LRRD1: variants seen among roughly 807,000 people sequenced by gnomAD.
LRRD1 encodes leucine rich repeats and death domain containing 1.
In LRRD1, 49 loss-of-function variants were observed where a neutral mutation model predicts 69.5. The observed-to-expected ratio is 0.70, with a 90% CI of 0.56 to 0.89. LRRD1 has a LOEUF of 0.89. Among genes scored for constraint, LRRD1 ranks in the 40% least tolerant of loss-of-function variants. The probability of loss-of-function intolerance (pLI) is 0.00; values close to 1 mark genes in which losing one functional copy is unlikely to be tolerated. For synonymous variants in LRRD1, 303 were observed against 338.9 expected, an observed-to-expected ratio of 0.89 and a Z score of 1.16; for missense variants, 853 against 956.0, an observed-to-expected ratio of 0.89 and a Z score of 1.42.
chr7:92,165,136 T>C lies in LRRD1; in HGVS notation c.67A>G (p.Arg23Gly). Residue 23 changes from arginine to glycine, a missense_variant, in exon 2 of 6, where the codon AGA becomes GGA. This residue lies in a region of LRRD1 where 99 missense variants were observed against 107.0 expected (regional missense o/e 0.92). Coordinates refer to ENST00000458448, the MANE Select transcript of LRRD1 (RefSeq NM_001161528.2). ...CCAGGCTCCTTCATTGACTGTGATC[T>C]AGATTCTTTCCTAAATTGACTAATA... ...DTISQFRKESRSQSMKEPGFI... is the reference protein window; with the variant it reads ...DTISQFRKESGSQSMKEPGFI... The C allele has an allele frequency of 6.5e-7, 1 of 1,550,356 alleles. No homozygotes were observed. The highest frequency in any genetic ancestry group is 8.7e-7 in the Non-Finnish European group (1 of 1,146,634).
In LRRD1 at chr7:92,164,778, T is replaced by C. The variant is rs1466230895; in HGVS notation, c.425A>G (p.Asp142Gly). 2 of 1,551,570 alleles carry C rather than the reference T, an allele frequency of 1.3e-6. No homozygotes were observed. The highest frequency in any genetic ancestry group is 1.7e-6 in the Non-Finnish European group (2 of 1,146,916). ...GGCCTCAAGGTTAACTGTAAAGTTA[T>C]CTGCCCCTAGGCCAAGTTGTTTCTG... ...ENQKQLGLGA[D>G]NFTVNLEAKG... The change falls in exon 2 of 6, where the codon GAT becomes GGT. Residue 142 changes from aspartate (D) to glycine (G), a missense_variant. Physicochemically the swap from Asp to Gly is moderately conservative, Grantham distance 94. This residue lies in a region of LRRD1 where 739 missense variants were observed against 808.0 expected (regional missense o/e 0.91). Transcript: ENST00000458448.
chr7:92,144,628 CAAAAA>C (rs61338977), downstream of LRRD1, among the ~76,000 whole-genome samples: 2 of 85,856 alleles, frequency 2.3e-5, no homozygotes, highest in Non-Finnish European at 4.7e-5. Context: ...AACTCCATCT[CAAAAA>C]AAAAAAAAAA....
In LRRD1 at chr7:92,150,573, T is replaced by C. The variant is rs532955252; in HGVS notation, c.2239A>G (p.Thr747Ala). Reference sequence around the variant, plus strand: ...GCCCTCTGTAGATAGCGTGCAATAGTATACAACTGTTTTCCTTTACAGATT... The same window carrying C: ...GCCCTCTGTAGATAGCGTGCAATAGCATACAACTGTTTTCCTTTACAGATT... ...VEICKGKQLY[T>A]IARYLQRADE... The change falls in exon 4 of 6, where the codon ACT becomes GCT. Residue 747 changes from threonine (T) to alanine (A), a missense_variant. Around this residue, in one of 3 missense-constraint regions of LRRD1, gnomAD observed 739 missense variants for 808.0 expected, o/e 0.91. Transcript: ENST00000458448. 7.7e-6 allele frequency: 12 copies of C among 1,551,600 alleles called. No individual in the cohort carries two copies. The East Asian group carries it at 2.2e-4, about 28-fold the overall frequency.
chr7:92,162,737 T>G lies in LRRD1; in HGVS notation c.1917+549A>C, dbSNP rs184203062. 1.6e-3 allele frequency among the ~76,000 whole-genome samples: 239 copies of G among 152,274 alleles called. 3 individuals carry two copies. The highest frequency in any genetic ancestry group is 0.014 in the Admixed American group (220 of 15,280). ...ACAAGAGGTTTAGATCTATAAATCA[T>G]GTACTGGTTATAACAATTTATTGGG... is the stretch of plus-strand genomic sequence containing the variant. On this transcript the variant is annotated intron_variant, in intron 2 of 5. Coordinates refer to ENST00000458448, the MANE Select transcript of LRRD1 (RefSeq NM_001161528.2).
At chr7:92,154,561 CTT>C (rs557140720) in intron 3 of LRRD1, among the ~76,000 whole-genome samples, 3 of 143,948 alleles carry the variant, frequency 2.1e-5, no homozygotes, top group African/African-American at 2.5e-5. Context: ...TATTTTTTCA[CTT>C]TTTTTTTTTT....
chr7:92,151,214 A>G (rs528893534), intron 3 of LRRD1, among the ~76,000 whole-genome samples: 46 of 152,246 alleles, frequency 3.0e-4, no homozygotes, highest in South Asian at 8.3e-4. Flanking sequence ...ATCTCATTGC[A>G]TACTTTTATG....
At chr7:92,142,394 G>A (rs139500916), downstream of LRRD1, 2,388 of 450,202 alleles carry the variant, frequency 5.3e-3, 14 homozygotes, top group Non-Finnish European at 8.1e-3. Context: ...CTCTCTCTTG[G>A]CATCCAGCTC....
At chr7:92,147,347 C>T (rs933466693) in intron 4 of LRRD1, among the ~76,000 whole-genome samples, 4 of 152,154 alleles carry the variant, frequency 2.6e-5, no homozygotes, top group African/African-American at 7.2e-5. Context: ...GGATTAAAGG[C>T]ATGAGTCACC....
At chr7:92,167,304 C>T (rs1008436641) in intron 1 of LRRD1, among the ~76,000 whole-genome samples, 6 of 151,790 alleles carry the variant, frequency 4.0e-5, no homozygotes, top group Non-Finnish European at 7.4e-5. Context: ...CCATGTTGGC[C>T]AGGATGGTCT....
Position 92,163,708 on chromosome 7 carries a change from T to C in LRRD1, c.1495A>G (p.Ile499Val). 2 of 1,501,906 alleles carry C rather than the reference T, an allele frequency of 1.3e-6. No homozygotes were observed. The highest frequency in any genetic ancestry group is 1.8e-6 in the Non-Finnish European group (2 of 1,128,504). The allele number at this position is 1,501,906 out of a possible 1,614,324, so 93.0% of individuals were successfully genotyped here. A position where few individuals can be genotyped will look rare whatever the true frequency, so the allele number is the denominator to read the frequency against. The change falls in exon 2 of 6, where the codon ATT becomes GTT. Residue 499 changes from isoleucine (I) to valine (V), a missense_variant. By Grantham distance (29) the Ile-to-Val change is conservative. Coordinates refer to ENST00000458448, the MANE Select transcript of LRRD1 (RefSeq NM_001161528.2). ...GATATATCCACAGGTATTTCTGAAATATAATTTCCATTAACACTCAAATAA... is the reference window on the plus strand; with the variant it reads ...GATATATCCACAGGTATTTCTGAAACATAATTTCCATTAACACTCAAATAA... ...LYYLSVNGNY[I>V]SEIPVDISFS...
chr7:92,152,258 CAT>C (rs970793076), intron 3 of LRRD1, among the ~76,000 whole-genome samples: 6 of 151,420 alleles, frequency 4.0e-5, no homozygotes, highest in Non-Finnish European at 7.4e-5. Flanking sequence ...AATCATAGCA[CAT>C]AGTCTTTAGG....
rs1488602701 is a variant in LRRD1 at position 92,164,980 on chromosome 7, A to G, written c.223T>C (p.Ser75Pro). 1.9e-6 allele frequency: 3 copies of G among 1,551,290 alleles called. No homozygotes were observed. Among genetic ancestry groups the G allele is most frequent in the Non-Finnish European group, 2.6e-6 (3 of 1,146,854 alleles). The change falls in exon 2 of 6, where the codon TCT becomes CCT. Residue 75 changes from serine (S) to proline (P), a missense_variant. Ser to Pro is a moderately conservative substitution (Grantham distance 74). Transcript: ENST00000458448. ...TTCTTTTGTTCTTCATTTCTCTTAGACTTCCTTCCAGAGGAAGATGTTGAC... is the reference window on the plus strand; with the variant it reads ...TTCTTTTGTTCTTCATTTCTCTTAGGCTTCCTTCCAGAGGAAGATGTTGAC... ...LESTSSSGRKSKRNEEQKKNL... is the reference protein window; with the variant it reads ...LESTSSSGRKPKRNEEQKKNL...
At chr7:92,150,004 T>C (rs1820425879) in intron 4 of LRRD1, 1 of 415,598 alleles carries the variant, frequency 2.4e-6, no homozygotes, top group Non-Finnish European at 4.9e-6. Context: ...CCTCCTCCAC[T>C]TGGATTTGCC....
At chr7:92,142,568 G>C (rs1438503471), downstream of LRRD1, 2 of 455,370 alleles carry the variant, frequency 4.4e-6, no homozygotes, top group African/African-American at 2.0e-5. Context: ...TGGGTTCTTC[G>C]TCTCACTGAC....
chr7:92,153,098 T>G (rs1788549562), intron 3 of LRRD1, among the ~76,000 whole-genome samples: 1 of 152,210 alleles, frequency 6.6e-6, no homozygotes, highest in Non-Finnish European at 1.5e-5. Context: ...AGAGTCTAGC[T>G]CTGTCACCCA....
intron 3 of LRRD1, among the ~76,000 whole-genome samples, chr7:92,152,914 C>T (rs927831261): frequency 9.9e-5 from 15 of 152,152 alleles, no homozygotes; most frequent in African/African-American, 3.1e-4. Flanking sequence ...GTGATCTGCC[C>T]GCCTGGGCCT....
At chr7:92,178,331 CTA>C (rs1789240776) in intron 1 of LRRD1, among the ~76,000 whole-genome samples, 7 of 149,826 alleles carry the variant, frequency 4.7e-5, no homozygotes. Flanking sequence ...AAACAAAAAA[CTA>C]TATGAAAAAG....
At chr7:92,154,593 T>C (rs1788611368) in intron 3 of LRRD1, among the ~76,000 whole-genome samples, 2 of 152,166 alleles carry the variant, frequency 1.3e-5, no homozygotes, top group South Asian at 2.1e-4. Context: ...TATTTTTCTA[T>C]GTTCTTATCT....
downstream of LRRD1, among the ~76,000 whole-genome samples, chr7:92,143,236 A>C (rs1820213262): frequency 6.6e-6 from 1 of 152,122 alleles, no homozygotes; most frequent in African/African-American, 2.4e-5. Context: ...TGGTGTATTT[A>C]CAATCCCCTA....
Sources: gnomAD v4.1 joint callset for allele counts (sites outside exome capture counted in the v4.1 genomes callset) on GRCh38, gnomAD v4.1.1 for gene constraint, gnomAD v4.1.1 regional missense constraint, MANE v1.5 for transcripts, NCBI Gene and HGNC (gene_info 2026-07-23, HGNC 2026-07-21) for gene names.